The following ARMC2 variants were observed in gnomAD, a reference collection of about 807,000 sequenced individuals.
ARMC2 encodes armadillo repeat-containing protein 2.
Under a neutral mutation model 90.3 loss-of-function variants are expected in ARMC2, and 67 were observed. The observed-to-expected ratio is 0.74, with a 90% CI of 0.61 to 0.91. ARMC2 has a LOEUF of 0.91. Among genes scored for constraint, ARMC2 ranks in the 40% least tolerant of loss-of-function variants. The probability of loss-of-function intolerance (pLI) is 0.00; values close to 1 mark genes in which losing one functional copy is unlikely to be tolerated. For synonymous variants in ARMC2, 393 were observed against 393.0 expected (o/e 1.00, Z 0.00); for missense variants, 920 against 1,030.9 (o/e 0.89, Z 1.47).
the ARMC2 span, among the ~76,000 whole-genome samples, chr6:108,993,847 C>T: frequency 1.2e-4 from 18 of 151,764 alleles, no homozygotes; most frequent in Admixed American, 1.1e-3. Context: ...CTTGAGTAGC[C>T]GGTACTACAG....
intron 7 of ARMC2, among the ~76,000 whole-genome samples, chr6:108,903,473 CTTTTCTT>C (rs1772362783): frequency 6.6e-6 from 1 of 152,052 alleles, no homozygotes; most frequent in African/African-American, 2.4e-5. Flanking sequence ...TTAGAACCCT[CTTTTCTT>C]AGGTAATGAG....
chr6:108,946,446 A>G (rs1385023332), intron 12 of ARMC2, among the ~76,000 whole-genome samples: 1 of 152,216 alleles, frequency 6.6e-6, no homozygotes, highest in Non-Finnish European at 1.5e-5. Context: ...ACCCACTTTC[A>G]GTGCCCTATG....
Position 108,973,692 on chromosome 6 carries a change from G to A in ARMC2, c.*178G>A. ...AGCATTTCTTCTTGTTAGGTATTAT[G>A]GAAAAATGAATATACACATTATATT... On this transcript the variant is annotated 3_prime_UTR_variant, in exon 18 of 18. Transcript: ENST00000392644. The A allele has an allele frequency of 3.8e-6, 2 of 525,990 alleles. No homozygotes were observed. Among genetic ancestry groups the A allele is most frequent in the Non-Finnish European group, 6.4e-6 (2 of 313,858 alleles). The allele number at this position is 525,990 out of a possible 1,614,324, so 32.6% of individuals were successfully genotyped here.
chr6:109,029,378 T>A, the ARMC2 span, among the ~76,000 whole-genome samples: 1 of 152,238 alleles, frequency 6.6e-6, no homozygotes, highest in African/African-American at 2.4e-5. Flanking sequence ...TTCAGAGCAA[T>A]TCTTAAGAGA....
the ARMC2 span, among the ~76,000 whole-genome samples, chr6:108,982,812 C>CTTT: frequency 5.5e-5 from 7 of 127,220 alleles, no homozygotes; most frequent in East Asian, 2.2e-4. Flanking sequence ...TTGGACTTTT[C>CTTT]TTTTTTTTTT....
At chr6:108,863,662 T>C (rs1775512843) in intron 3 of ARMC2, among the ~76,000 whole-genome samples, 1 of 152,238 alleles carries the variant, frequency 6.6e-6, no homozygotes, top group African/African-American at 2.4e-5. Flanking sequence ...ATTATTTTAG[T>C]CAACAAAATA....
chr6:108,981,263 C>T, the ARMC2 span, among the ~76,000 whole-genome samples: 1 of 152,094 alleles, frequency 6.6e-6, no homozygotes, highest in Non-Finnish European at 1.5e-5. Flanking sequence ...CCATACTTAG[C>T]TGCTCCCCTC....
At chr6:108,989,908 T>C in the ARMC2 span, among the ~76,000 whole-genome samples, 9 of 152,148 alleles carry the variant, frequency 5.9e-5, no homozygotes, top group Non-Finnish European at 1.3e-4. Context: ...TCTACCACCA[T>C]TGAGGAGGCT....
At chr6:108,979,318 G>GC (rs1185104463), downstream of ARMC2, among the ~76,000 whole-genome samples, 11 of 152,044 alleles carry the variant, frequency 7.2e-5, no homozygotes, top group African/African-American at 2.7e-4. Flanking sequence ...TTGAATATTG[G>GC]CCCCACTCTC....
At chr6:108,997,700 C>G in the ARMC2 span, among the ~76,000 whole-genome samples, 29 of 152,218 alleles carry the variant, frequency 1.9e-4, no homozygotes, top group African/African-American at 7.0e-4. Flanking sequence ...GGCAATTCAA[C>G]CTGTCAAATC....
At chr6:109,024,744 G>C in the ARMC2 span, among the ~76,000 whole-genome samples, 44 of 152,160 alleles carry the variant, frequency 2.9e-4, no homozygotes, top group Non-Finnish European at 5.0e-4. Flanking sequence ...TTGGTTGTCT[G>C]TCTTTGTGAT....
intron 7 of ARMC2, among the ~76,000 whole-genome samples, chr6:108,900,486 A>G (rs1479743357): frequency 6.6e-6 from 1 of 152,198 alleles, no homozygotes; most frequent in Non-Finnish European, 1.5e-5. Context: ...GGGAGAGCCC[A>G]GGGCCTGGCA....
At chr6:108,907,462 T>TC (rs1772871417) in intron 8 of ARMC2, among the ~76,000 whole-genome samples, 2 of 117,102 alleles carry the variant, frequency 1.7e-5, no homozygotes, top group South Asian at 3.3e-4. Flanking sequence ...TTCTTTCTTT[T>TC]TTTTTTTTTT....
Position 108,937,775 on chromosome 6 carries a change from AGCTC to A in ARMC2, c.1596+777_1596+780del, listed in dbSNP as rs1562408267. Among the ~76,000 whole-genome samples, 39 of 152,140 alleles carry A rather than the reference AGCTC, an allele frequency of 2.6e-4. 1 individual carries two copies. The highest frequency in any genetic ancestry group is 8.4e-4 in the African/African-American group (35 of 41,502). ...AGTGGCGATATCTTGGCTCACTGCA[AGCTC>A]CACCTCCTGGGTTCACGCCATTCTG... is the stretch of plus-strand genomic sequence containing the variant. On this transcript the variant is annotated intron_variant, in intron 12 of 17. Coordinates refer to ENST00000392644, the MANE Select transcript of ARMC2 (RefSeq NM_032131.6).
chr6:108,866,376 A>G (rs1321311044), intron 3 of ARMC2, among the ~76,000 whole-genome samples: 2 of 152,236 alleles, frequency 1.3e-5, no homozygotes, highest in Non-Finnish European at 2.9e-5. Context: ...AAACAAATAT[A>G]GTGCAACTTA....
At chr6:108,982,810 T>C in the ARMC2 span, among the ~76,000 whole-genome samples, 25 of 150,106 alleles carry the variant, frequency 1.7e-4, no homozygotes, top group Non-Finnish European at 2.4e-4. Context: ...CTTTGGACTT[T>C]TCTTTTTTTT....
intron 8 of ARMC2, among the ~76,000 whole-genome samples, chr6:108,909,849 A>G (rs1773231607): frequency 6.6e-6 from 1 of 152,146 alleles, no homozygotes; most frequent in African/African-American, 2.4e-5. Context: ...GGTAATTTTC[A>G]ACTTTAGATG....
At chr6:108,913,669 A>G (rs1170612978) in intron 10 of ARMC2, among the ~76,000 whole-genome samples, 3 of 152,216 alleles carry the variant, frequency 2.0e-5, no homozygotes, top group Non-Finnish European at 4.4e-5. Context: ...CACCTCCAGC[A>G]TTTTGGTGGT....
chr6:109,044,387 T>C, the ARMC2 span, among the ~76,000 whole-genome samples: 29 of 116,888 alleles, frequency 2.5e-4, no homozygotes, highest in African/African-American at 8.3e-4. Flanking sequence ...GAAGAAAGGA[T>C]AGTCTTTCCA....
Sources: allele counts gnomAD v4.1 joint callset (sites outside exome capture counted in the v4.1 genomes callset), GRCh38; gene constraint gnomAD v4.1.1; transcripts MANE v1.5; gene names NCBI Gene and HGNC (gene_info 2026-07-23, HGNC 2026-07-21).